GRM4: variants seen among roughly 807,000 people sequenced by gnomAD.
GRM4 encodes the protein glutamate metabotropic receptor 4, also known as metabotropic glutamate receptor 4.
In GRM4, 28 loss-of-function variants were observed where a neutral mutation model predicts 81.7. That is an observed-to-expected ratio of 0.34 (90% confidence interval 0.25 to 0.47). The LOEUF (loss-of-function observed/expected upper bound fraction) is 0.47. GRM4 is among the 20% of genes least tolerant of loss of function. GRM4 has a pLI of 1.00. For missense variants in GRM4, 948 were observed against 1,290.0 expected (o/e 0.73, Z 4.06); for synonymous variants, 488 against 528.8 (o/e 0.92, Z 1.06).
intron 6 of GRM4, among the ~76,000 whole-genome samples, chr6:34,046,663 T>C (rs921969749): frequency 6.6e-6 from 1 of 152,216 alleles, no homozygotes; most frequent in Admixed American, 6.5e-5. Context: ...GCCCCATTGG[T>C]GCACACAGGG....
chr6:34,066,651 C>T (rs768878926), intron 3 of GRM4, among the ~76,000 whole-genome samples: 4 of 151,964 alleles, frequency 2.6e-5, no homozygotes, highest in Admixed American at 6.6e-5. Flanking sequence ...GGAAGGGAAC[C>T]TGCCACCTCT....
upstream of GRM4, among the ~76,000 whole-genome samples, chr6:34,147,670 T>C (rs1770965617): frequency 6.6e-6 from 1 of 152,176 alleles, no homozygotes. Flanking sequence ...GCCTTGGTCT[T>C]GACAAGTGAC....
rs576941304 is a variant in GRM4, at chr6:34,085,870, AG to A, written c.736+6012del. ...ATAGGCTGGTCAGAGGCCTCTCTGAAGGGAGACATCCGAGAAGATACCTGAA... is the reference window on the plus strand; with the variant it reads ...ATAGGCTGGTCAGAGGCCTCTCTGAAGGAGACATCCGAGAAGATACCTGAA... On this transcript the variant is annotated intron_variant, in intron 3 of 10. Transcript: ENST00000538487. 5.4e-4 allele frequency among the ~76,000 whole-genome samples: 83 copies of A among 152,296 alleles called. 1 individual carries two copies. In the South Asian group the frequency reaches 0.013, roughly 25 times the overall value.
rs1389588513 is a variant in GRM4, at chr6:34,069,499, C to A, written c.737-7471G>T. The stretch of plus-strand genomic sequence containing the variant: ...CACACGAGGGCTGGGCTGGCTCCAG[C>A]TGGATCTGGGACTGCACAGAGGGCC... On this transcript the variant is annotated intron_variant, in intron 3 of 10. Transcript: ENST00000538487. The surrounding 1 kb of genome is among the most constrained non-coding windows in gnomAD (Gnocchi z 6.4). Among the ~76,000 whole-genome samples the A allele has an allele frequency of 6.6e-6, 1 of 152,148 alleles. No individual in the cohort carries two copies. The highest frequency in any genetic ancestry group is 1.5e-5 in the Non-Finnish European group (1 of 68,018).
In GRM4 at chr6:34,080,867, C is replaced by CAT. The variant is rs57493257; in HGVS notation, c.736+11014_736+11015dup. On this transcript the variant is annotated intron_variant, in intron 3 of 10. Coordinates refer to ENST00000538487, the MANE Select transcript of GRM4 (RefSeq NM_000841.4). This position sits in a 1 kb window ranked among gnomAD's most constrained non-coding sequence, Gnocchi z 5.4. ...ACACATACACACACACATACACATA[C>CAT]ATATACACACACACACACACACAAC... 2.4e-5 allele frequency among the ~76,000 whole-genome samples: 3 copies of CAT among 122,686 alleles called. No homozygotes were observed. The highest frequency in any genetic ancestry group is 2.1e-4 in the East Asian group (1 of 4,750). The allele number at this position is 122,686 out of a possible 152,430, so 80.5% of individuals were successfully genotyped here.
chr6:34,058,540 A>G (rs1280418995), intron 5 of GRM4, among the ~76,000 whole-genome samples: 1 of 152,120 alleles, frequency 6.6e-6, no homozygotes, highest in Non-Finnish European at 1.5e-5. Flanking sequence ...TTCTGGCCAG[A>G]GAAGTTCGTT....
At chr6:34,129,212 A>G (rs1024271829) in intron 2 of GRM4, among the ~76,000 whole-genome samples, 1 of 152,010 alleles carries the variant, frequency 6.6e-6, no homozygotes, top group African/African-American at 2.4e-5. Context: ...ACGGGGTTTC[A>G]CCATGTTGTC....
Position 34,042,309 on chromosome 6 carries a change from T to G in GRM4, c.1169-1561A>C, listed in dbSNP as rs1765054060. 6.6e-6 allele frequency among the ~76,000 whole-genome samples: 1 copy of G among 152,078 alleles called. No homozygotes were observed. The highest frequency in any genetic ancestry group is 2.4e-5 in the African/African-American group (1 of 41,390). On this transcript the variant is annotated intron_variant, in intron 6 of 10. Coordinates refer to ENST00000538487, the MANE Select transcript of GRM4 (RefSeq NM_000841.4). The surrounding 1 kb of genome is among the most constrained non-coding windows in gnomAD (Gnocchi z 4.2). ...TGAGCACAGAAAAGCTCAGTAACAT[T>G]CCACGACTATGAAAAGCTGATGTGA...
chr6:34,152,304 C>T lies in GRM4; in HGVS notation c.312+2775G>A, dbSNP rs1771062052. Among the ~76,000 whole-genome samples the T allele has an allele frequency of 6.6e-6, 1 of 152,220 alleles. No homozygotes were observed. The highest frequency in any genetic ancestry group is 1.5e-5 in the Non-Finnish European group (1 of 68,040). On this transcript the variant is annotated intron_variant, in intron 1 of 8. Coordinates refer to the GRM4 transcript ENST00000374177. The surrounding 1 kb of genome is among the most constrained non-coding windows in gnomAD (Gnocchi z 4.1). ...CCACTCAGGCCACCTCCAAGCCTGGCTGCTGCGGTATCTCCAGCACGGACA... is the reference window on the plus strand; with the variant it reads ...CCACTCAGGCCACCTCCAAGCCTGGTTGCTGCGGTATCTCCAGCACGGACA...
chr6:34,121,219 G>A lies in GRM4; in HGVS notation c.519+11759C>T, dbSNP rs1294179507. ...CTCACACACCGCCCCCCAGTCCTAA[G>A]CCTCAGACTCCTTCCCTGGCTAGGG... is the stretch of plus-strand genomic sequence containing the variant. On this transcript the variant is annotated intron_variant, in intron 2 of 10. Coordinates refer to ENST00000538487, the MANE Select transcript of GRM4 (RefSeq NM_000841.4). This position sits in a 1 kb window ranked among gnomAD's most constrained non-coding sequence, Gnocchi z 4.6. 6.6e-6 allele frequency among the ~76,000 whole-genome samples: 1 copy of A among 152,116 alleles called. No homozygotes were observed. The highest frequency in any genetic ancestry group is 1.5e-5 in the Non-Finnish European group (1 of 68,030).
chr6:34,056,485 C>T, intron 6 of GRM4, 59 bp downstream of exon 6: 1 of 1,487,886 alleles, frequency 6.7e-7, no homozygotes. Flanking sequence ...GGCCCCCAGG[C>T]TCGGCCCTCC....
At position 34,080,815 on chromosome 6, in the gene GRM4, TTCTCTCTC is replaced by T. The variant is rs138360275; in HGVS notation, c.736+11060_736+11067del. On this transcript the variant is annotated intron_variant, in intron 3 of 10. Coordinates refer to ENST00000538487, the MANE Select transcript of GRM4 (RefSeq NM_000841.4). This position sits in a 1 kb window ranked among gnomAD's most constrained non-coding sequence, Gnocchi z 5.4. The stretch of plus-strand genomic sequence containing the variant: ...TGAGGGATCCTGATCCACTTCTCTC[TTCTCTCTC>T]TCTCTCTCACACACACACACACATA... Among the ~76,000 whole-genome samples, 1 of 149,282 alleles carries T rather than the reference TTCTCTCTC, an allele frequency of 6.7e-6. No individual in the cohort carries two copies. Among genetic ancestry groups the T allele is most frequent in the Admixed American group, 6.7e-5 (1 of 14,952 alleles).
chr6:34,037,218 C>T (rs1311273459), intron 8 of GRM4, among the ~76,000 whole-genome samples: 1 of 152,238 alleles, frequency 6.6e-6, no homozygotes, highest in Non-Finnish European at 1.5e-5. Flanking sequence ...AATGTGTGCT[C>T]AGGGGTTAGC....
At chr6:34,050,031 C>T (rs1285568488) in intron 6 of GRM4, among the ~76,000 whole-genome samples, 1 of 152,210 alleles carries the variant, frequency 6.6e-6, no homozygotes, top group Admixed American at 6.5e-5. Context: ...TAAATCCTTA[C>T]AAACTGCCCA....
chr6:34,056,835 G>C, intron 5 of GRM4, 151 bp from the exon 6 acceptor site: 1 of 871,302 alleles, frequency 1.1e-6, no homozygotes, highest in Non-Finnish European at 1.7e-6. Flanking sequence ...ACAAAATGTG[G>C]AGCATTTCGT....
chr6:34,088,253 G>T (rs1270964003), intron 3 of GRM4, among the ~76,000 whole-genome samples: 1 of 152,124 alleles, frequency 6.6e-6, no homozygotes, highest in East Asian at 1.9e-4. Flanking sequence ...CTCCCAAGTA[G>T]CTTGGGATTA....
chr6:34,056,302 G>A (rs1443486474), intron 6 of GRM4: 7 of 541,232 alleles, frequency 1.3e-5, no homozygotes, highest in African/African-American at 1.9e-5. Context: ...TCAACCCCGA[G>A]GCGGCCAGAG....
chr6:34,127,562 A>T (rs149219659), intron 2 of GRM4, among the ~76,000 whole-genome samples: 3 of 152,198 alleles, frequency 2.0e-5, no homozygotes, highest in African/African-American at 7.2e-5. Flanking sequence ...AGTGGATTCC[A>T]TCTGGGTTTT....
chr6:34,036,940 A>C lies in GRM4; in HGVS notation c.1507-337T>G, dbSNP rs532295431. ...GAGCAAAGAGAACTCAAGAGTCCTG[A>C]CTCTTAGCCCCTAAGGCCTTGCTGC... On this transcript the variant is annotated intron_variant, in intron 8 of 10. Transcript: ENST00000538487. The surrounding 1 kb of genome is among the most constrained non-coding windows in gnomAD (Gnocchi z 9.0). Among the ~76,000 whole-genome samples the C allele has an allele frequency of 2.4e-4, 36 of 152,122 alleles. No homozygotes were observed. Among genetic ancestry groups the C allele is most frequent in the Middle Eastern group, 6.8e-3 (2 of 294 alleles).
Sources: gnomAD v4.1 joint callset for allele counts (sites outside exome capture counted in the v4.1 genomes callset) on GRCh38, gnomAD v4.1.1 for gene constraint, Gnocchi (gnomAD v3.1) non-coding constraint, MANE v1.5 for transcripts, NCBI Gene and HGNC (gene_info 2026-07-23, HGNC 2026-07-21) for gene names.